Variants in SLC25A33 observed in about 807,000 individuals in gnomAD.
The protein encoded by SLC25A33 is bone marrow stromal cell mitochondrial carrier protein.
A neutral mutation model predicts 35.5 loss-of-function variants in SLC25A33; 15 were observed. The ratio of observed to expected loss-of-function variants is 0.42; its 90% CI spans 0.28 to 0.65. The LOEUF (loss-of-function observed/expected upper bound fraction) is 0.65, where lower values mean the gene tolerates loss of function less well. Ranked by LOEUF, SLC25A33 falls within the 30% of genes least tolerant of loss-of-function variation. SLC25A33 has a pLI of 0.20. For missense variants in SLC25A33, 257 were observed against 398.5 expected (o/e 0.64, Z 3.02); for synonymous variants, 136 against 148.7 (o/e 0.91, Z 0.62).
chr1:9,553,202 TG>T (rs1643291329), intron 1 of SLC25A33, among the ~76,000 whole-genome samples: 3 of 126,854 alleles, frequency 2.4e-5, no homozygotes, highest in Admixed American at 7.5e-5. Context: ...GTTCTAGTTT[TG>T]TTTTTTTTTT....
chr1:9,558,936 T>C (rs576497183), intron 2 of SLC25A33, among the ~76,000 whole-genome samples: 65 of 152,254 alleles, frequency 4.3e-4, no homozygotes, highest in Non-Finnish European at 5.6e-4. Flanking sequence ...GCCTACTAGG[T>C]TCTACACGAT....
chr1:9,570,913 A>G (rs2100403870), intron 4 of SLC25A33, among the ~76,000 whole-genome samples: 1 of 152,086 alleles, frequency 6.6e-6, no homozygotes, highest in African/African-American at 2.4e-5. Flanking sequence ...AGGTTTCACC[A>G]CATTGCCCGG....
intron 4 of SLC25A33, 136 bp from the exon 5 acceptor site, chr1:9,573,210 A>G: frequency 1.7e-6 from 1 of 595,178 alleles, no homozygotes; most frequent in East Asian, 2.8e-5. Context: ...TGCAGGATAG[A>G]AATATAACTG....
rs1643782891 is a variant in SLC25A33 at position 9,584,484 on chromosome 1, C to T, written c.*1983C>T. 6.6e-6 allele frequency: 1 copy of T among 152,302 alleles called. No homozygotes were observed. The highest frequency in any genetic ancestry group is 6.5e-5 in the Admixed American group (1 of 15,282). The allele number at this position is 152,302 out of a possible 1,614,324, so 9.4% of individuals were successfully genotyped here. Reference sequence around the variant, plus strand: ...GCACAATCTCGGCTCACTACAGCCTCCACCTCCCGGTTTCAAGCAATTCTC... The same window carrying T: ...GCACAATCTCGGCTCACTACAGCCTTCACCTCCCGGTTTCAAGCAATTCTC... On this transcript the variant is annotated 3_prime_UTR_variant, in exon 7 of 7. Coordinates refer to ENST00000302692, the MANE Select transcript of SLC25A33 (RefSeq NM_032315.3).
intron 3 of SLC25A33, 60 bp from the exon 4 acceptor site, chr1:9,570,198 G>A (rs934633451): frequency 6.9e-7 from 1 of 1,456,776 alleles, no homozygotes; most frequent in African/African-American, 1.4e-5. Flanking sequence ...AGGTGTTCTG[G>A]AGGGACGTAT....
chr1:9,567,378 C>A lies in SLC25A33; in HGVS notation c.314+17C>A. The A allele has an allele frequency of 6.2e-7, 1 of 1,610,424 alleles. No individual in the cohort carries two copies. Among genetic ancestry groups the A allele is most frequent in the Non-Finnish European group, 8.5e-7 (1 of 1,177,586 alleles). On this transcript the variant is annotated intron_variant, in intron 3 of 6. Transcript: ENST00000302692. ...ACCATCAAGGTAAGCATTAAACTTTCCAGCTAGCTCATGCTAAGCAGTATG... is the reference window on the plus strand; with the variant it reads ...ACCATCAAGGTAAGCATTAAACTTTACAGCTAGCTCATGCTAAGCAGTATG...
At chr1:9,577,915 G>A (rs1347359700) in intron 5 of SLC25A33, among the ~76,000 whole-genome samples, 1 of 152,086 alleles carries the variant, frequency 6.6e-6, no homozygotes, top group African/African-American at 2.4e-5. Context: ...CCAAGGGTGA[G>A]AAACTCTGGA....
At chr1:9,573,894 C>T (rs1359766593) in intron 5 of SLC25A33, among the ~76,000 whole-genome samples, 1 of 152,118 alleles carries the variant, frequency 6.6e-6, no homozygotes, top group Non-Finnish European at 1.5e-5. Context: ...TTTTGTGGGG[C>T]TCTGTGGATT....
chr1:9,563,701 T>C (rs990477265), intron 2 of SLC25A33, among the ~76,000 whole-genome samples: 21 of 152,168 alleles, frequency 1.4e-4, no homozygotes, highest in African/African-American at 5.1e-4. Flanking sequence ...AAGTAAAACA[T>C]TCTATTAACT....
At chr1:9,567,054 G>C (rs1288492466) in intron 2 of SLC25A33, among the ~76,000 whole-genome samples, 4 of 151,948 alleles carry the variant, frequency 2.6e-5, no homozygotes, top group African/African-American at 9.7e-5. Flanking sequence ...GGGAGAGAAA[G>C]AAAATATGTC....
At chr1:9,539,900 G>A (rs1643050355) in intron 1 of SLC25A33, among the ~76,000 whole-genome samples, 153 bp downstream of exon 1, 2 of 152,240 alleles carry the variant, frequency 1.3e-5, no homozygotes, top group South Asian at 2.1e-4. Flanking sequence ...GTCGGGGACT[G>A]GTGGGCAGGG....
chr1:9,565,517 G>GAA (rs1260767100), intron 2 of SLC25A33, among the ~76,000 whole-genome samples: 1 of 135,538 alleles, frequency 7.4e-6, no homozygotes, highest in Non-Finnish European at 1.6e-5. Context: ...CTCTGTCTCA[G>GAA]AAAAAAAAAA....
chr1:9,564,444 G>A (rs746805948), intron 2 of SLC25A33, among the ~76,000 whole-genome samples: 1 of 151,876 alleles, frequency 6.6e-6, no homozygotes, highest in African/African-American at 2.4e-5. Context: ...TCCAAAGCAA[G>A]GACTCAAACA....
intron 3 of SLC25A33, among the ~76,000 whole-genome samples, chr1:9,568,409 A>C (rs1473976859): frequency 6.6e-6 from 1 of 152,138 alleles, no homozygotes; most frequent in Non-Finnish European, 1.5e-5. Flanking sequence ...ATGCCGCTTC[A>C]CTGCAGCCTG....
At chr1:9,576,754 C>A in intron 5 of SLC25A33, 1 of 1,043,536 alleles carries the variant, frequency 9.6e-7, no homozygotes. Flanking sequence ...TGTTGAAATC[C>A]GAAATTTCTT....
chr1:9,562,521 A>G (rs1643437739), intron 2 of SLC25A33, among the ~76,000 whole-genome samples: 1 of 152,076 alleles, frequency 6.6e-6, no homozygotes, highest in Non-Finnish European at 1.5e-5. Flanking sequence ...TGATTAGAAA[A>G]TAAGACTACT....
In SLC25A33 at chr1:9,578,985, C is replaced by G. The variant is rs1161119206; in HGVS notation, c.483-969C>G. On this transcript the variant is annotated intron_variant, in intron 5 of 6. Coordinates refer to ENST00000302692, the MANE Select transcript of SLC25A33 (RefSeq NM_032315.3). This position sits in a 1 kb window ranked among gnomAD's most constrained non-coding sequence, Gnocchi z 4.3. The stretch of plus-strand genomic sequence containing the variant: ...GGTCAAATGCTAATGTTTTTATGAA[C>G]ATGTTTCTATGACTCTTGATACAGA... Among the ~76,000 whole-genome samples the G allele has an allele frequency of 6.6e-6, 1 of 152,212 alleles. No individual in the cohort carries two copies. Among genetic ancestry groups the G allele is most frequent in the Non-Finnish European group, 1.5e-5 (1 of 68,034 alleles).
In SLC25A33 at chr1:9,562,807, C is replaced by T. The variant is rs563304584; in HGVS notation, c.237-4477C>T. Among the ~76,000 whole-genome samples the T allele has an allele frequency of 1.9e-3, 287 of 147,318 alleles. 1 individual carries two copies. The highest frequency in any genetic ancestry group is 3.9e-3 in the African/African-American group (156 of 39,998). On this transcript the variant is annotated intron_variant, in intron 2 of 6. Transcript: ENST00000302692. The stretch of plus-strand genomic sequence containing the variant: ...GGCAGAGGTTGTGGTGAGCCAAGAT[C>T]GCGCCATTGCACTCCAGCCTGGGCA...
intron 2 of SLC25A33, among the ~76,000 whole-genome samples, chr1:9,562,021 C>T (rs1427065082): frequency 1.4e-5 from 2 of 147,518 alleles, no homozygotes; most frequent in Non-Finnish European, 3.0e-5. Flanking sequence ...CCACTGCACT[C>T]GCCTGGCGAC....
Sources: gnomAD v4.1 joint callset for allele counts (sites outside exome capture counted in the v4.1 genomes callset) on GRCh38, gnomAD v4.1.1 for gene constraint, Gnocchi (gnomAD v3.1) non-coding constraint, MANE v1.5 for transcripts, NCBI Gene and HGNC (gene_info 2026-07-23, HGNC 2026-07-21) for gene names.